Variants in BRD10 observed in about 807,000 individuals in gnomAD.
BRD10 encodes uncharacterized bromodomain-containing protein 10.
chr9:5,929,420 T>C, the BRD10 span, among the ~76,000 whole-genome samples: 3 of 152,182 alleles, frequency 2.0e-5, no homozygotes, highest in Non-Finnish European at 2.9e-5. Flanking sequence ...ATTGCATCAA[T>C]TGTAAATGTT....
the BRD10 span, chr9:5,919,758 T>C: frequency 1.9e-6 from 3 of 1,613,692 alleles, no homozygotes; most frequent in Non-Finnish European, 2.5e-6. Flanking sequence ...GGACTTCGAC[T>C]GGCAGATACA....
At chr9:5,988,674 G>T in the BRD10 span, 1 of 661,308 alleles carries the variant, frequency 1.5e-6, no homozygotes, top group South Asian at 1.9e-5. Context: ...ACTTAGCTTT[G>T]TTCTAACTTT....
the BRD10 span, chr9:5,933,804 C>T: frequency 1.1e-5 from 5 of 471,156 alleles, no homozygotes; most frequent in South Asian, 3.1e-5. Flanking sequence ...ATGGGTATGA[C>T]AGCACCAGCA....
At chr9:5,938,361 A>C in the BRD10 span, among the ~76,000 whole-genome samples, 1 of 152,110 alleles carries the variant, frequency 6.6e-6, no homozygotes, top group African/African-American at 2.4e-5. Context: ...AGAATCACTT[A>C]AGCCCAGAAG....
the BRD10 span, among the ~76,000 whole-genome samples, chr9:5,991,992 T>A: frequency 6.6e-6 from 1 of 152,188 alleles, no homozygotes; most frequent in African/African-American, 2.4e-5. Flanking sequence ...TTTAAGACAC[T>A]CTTCCTCCAG....
chr9:5,983,538 G>A, the BRD10 span, among the ~76,000 whole-genome samples: 45 of 152,126 alleles, frequency 3.0e-4, no homozygotes, highest in African/African-American at 1.1e-3. Flanking sequence ...AAAACATGAA[G>A]ATAATGAGAG....
chr9:5,995,659 T>C, the BRD10 span, among the ~76,000 whole-genome samples: 1 of 152,194 alleles, frequency 6.6e-6, no homozygotes, highest in Non-Finnish European at 1.5e-5. Flanking sequence ...TTTCAGTTCT[T>C]ATTTTAGTCA....
chr9:5,920,745 G>A, the BRD10 span: 31 of 1,613,848 alleles, frequency 1.9e-5, no homozygotes, highest in African/African-American at 8.0e-5. Context: ...GTAGTCGCAG[G>A]TGTAGGTAAG....
At chr9:5,983,402 T>C in the BRD10 span, among the ~76,000 whole-genome samples, 5 of 152,152 alleles carry the variant, frequency 3.3e-5, no homozygotes, top group Non-Finnish European at 7.3e-5. Flanking sequence ...AACAAAGCAA[T>C]GTTCACAATG....
At chr9:5,980,529 T>C in the BRD10 span, among the ~76,000 whole-genome samples, 2 of 152,034 alleles carry the variant, frequency 1.3e-5, no homozygotes, top group African/African-American at 4.8e-5. Context: ...TGTATAAAAA[T>C]TAAAATATAG....
chr9:5,968,483 T>C, the BRD10 span: 35 of 1,611,204 alleles, frequency 2.2e-5, no homozygotes, highest in South Asian at 2.1e-4. Flanking sequence ...TTTACAACAA[T>C]CAGTTTTTTT....
the BRD10 span, among the ~76,000 whole-genome samples, chr9:5,911,399 A>ATG: frequency 1.4e-4 from 11 of 77,426 alleles, no homozygotes; most frequent in African/African-American, 2.1e-4. Flanking sequence ...TCATTGGTCT[A>ATG]TGTGTGTTTT....
the BRD10 span, among the ~76,000 whole-genome samples, chr9:5,948,199 C>A: frequency 6.6e-6 from 1 of 152,086 alleles, no homozygotes; most frequent in Non-Finnish European, 1.5e-5. Context: ...GCTAAAGAGA[C>A]CTATCTCCAA....
chr9:5,942,611 A>T, the BRD10 span, among the ~76,000 whole-genome samples: 1 of 152,192 alleles, frequency 6.6e-6, no homozygotes, highest in Non-Finnish European at 1.5e-5. Flanking sequence ...TCATGTAAAC[A>T]ATCTTTTAAA....
chr9:5,962,007 T>A, the BRD10 span, among the ~76,000 whole-genome samples: 1 of 152,208 alleles, frequency 6.6e-6, no homozygotes, highest in African/African-American at 2.4e-5. Flanking sequence ...TAGTTATTTC[T>A]TGCCTTCTGC....
At chr9:5,989,426 CAAAA>C in the BRD10 span, among the ~76,000 whole-genome samples, 1 of 72,946 alleles carries the variant, frequency 1.4e-5, no homozygotes. Flanking sequence ...GTTCCTACCT[CAAAA>C]AAAAAAAAAA....
chr9:5,942,147 T>C, the BRD10 span, among the ~76,000 whole-genome samples: 4 of 152,140 alleles, frequency 2.6e-5, no homozygotes, highest in African/African-American at 7.2e-5. Flanking sequence ...AATACTCTTA[T>C]GAAGATCAGT....
the BRD10 span, among the ~76,000 whole-genome samples, chr9:5,996,249 A>G: frequency 2.6e-5 from 4 of 152,228 alleles, no homozygotes; most frequent in Admixed American, 2.0e-4. Context: ...TCATTTCTGC[A>G]ACAGCAACAG....
the BRD10 span, among the ~76,000 whole-genome samples, chr9:6,006,014 T>A: frequency 2.6e-5 from 4 of 152,224 alleles, no homozygotes; most frequent in Non-Finnish European, 5.9e-5. Flanking sequence ...TGACAAAGGT[T>A]ACTTTTAAAT....
Sources: gnomAD v4.1 joint callset for allele counts (sites outside exome capture counted in the v4.1 genomes callset) on GRCh38, gnomAD v4.1.1 for gene constraint, MANE v1.5 for transcripts, NCBI Gene and HGNC (gene_info 2026-07-23, HGNC 2026-07-21) for gene names.